The following AK5 variants were observed in gnomAD, a reference collection of about 807,000 sequenced individuals.
AK5 encodes the protein adenylate kinase 5.
AK5 carries 27 observed loss-of-function variants against 69.5 expected under a neutral mutation model. The ratio of observed to expected loss-of-function variants is 0.39; its 90% CI spans 0.29 to 0.54. The LOEUF is 0.54. AK5 is among the 20% of genes least tolerant of loss of function. AK5 has a pLI of 0.71. For missense variants in AK5, 531 were observed against 700.4 expected (o/e 0.76, Z 2.73); for synonymous variants, 260 against 244.4 (o/e 1.06, Z -0.60).
At chr1:77,309,351 A>G (rs752136602) in intron 5 of AK5, among the ~76,000 whole-genome samples, 16 of 152,158 alleles carry the variant, frequency 1.1e-4, no homozygotes, top group African/African-American at 1.4e-4. Context: ...ATATTCAACT[A>G]TCTGGTCCCA....
At chr1:77,298,359 C>T (rs2815313) in intron 5 of AK5, among the ~76,000 whole-genome samples, 134,534 of 152,000 alleles carry the variant, frequency 0.89, 59,885 homozygotes, top group Middle Eastern at 0.97. Context: ...GAACCACCTA[C>T]GTAGATTAAG....
chr1:77,543,880 T>C (rs1480888190), intron 13 of AK5, among the ~76,000 whole-genome samples: 1 of 152,180 alleles, frequency 6.6e-6, no homozygotes, highest in African/African-American at 2.4e-5. Flanking sequence ...TGCAGAACTT[T>C]GGATACAGAG....
In AK5 at chr1:77,294,026, A is replaced by T. The variant is rs575156354; in HGVS notation, c.415+66A>T. The T allele has an allele frequency of 2.0e-6, 3 of 1,471,956 alleles. No individual in the cohort carries two copies. The South Asian group carries it at 3.9e-5, about 19-fold the overall frequency. The allele number at this position is 1,471,956 out of a possible 1,614,324, so 91.2% of individuals were successfully genotyped here. On this transcript the variant is annotated intron_variant, in intron 3 of 13. Transcript: ENST00000354567. ...CTTTGTTTATATATTTACATTTCAA[A>T]AAAGTAAATCATATATGTGCAAATA...
rs574058200 is a variant in AK5, at chr1:77,518,372, T to A, written c.1148-192T>A. Among the ~76,000 whole-genome samples, 3 of 152,334 alleles carry A rather than the reference T, an allele frequency of 2.0e-5. No individual in the cohort carries two copies. The South Asian group carries it at 6.2e-4, about 32-fold the overall frequency. On this transcript the variant is annotated intron_variant, in intron 10 of 13. Coordinates refer to ENST00000354567, the MANE Select transcript of AK5 (RefSeq NM_174858.3). Reference sequence around the variant, plus strand: ...CCGCTTCATGGATAATCTAAGCTCTTTAAAGGCAAGGGCTGCATCCCATTC... The same window carrying A: ...CCGCTTCATGGATAATCTAAGCTCTATAAAGGCAAGGGCTGCATCCCATTC...
intron 13 of AK5, among the ~76,000 whole-genome samples, chr1:77,549,593 C>T (rs1659718065): frequency 6.6e-6 from 1 of 152,080 alleles, no homozygotes; most frequent in Non-Finnish European, 1.5e-5. Flanking sequence ...ATTCCCACTT[C>T]CCCCTCTCCC....
chr1:77,414,132 T>C (rs1570529200), intron 7 of AK5, among the ~76,000 whole-genome samples: 2 of 152,206 alleles, frequency 1.3e-5, no homozygotes, highest in East Asian at 3.8e-4. Flanking sequence ...TCATTTTTAG[T>C]CATTTGGTAC....
chr1:77,398,110 C>A (rs1228547291), intron 6 of AK5, among the ~76,000 whole-genome samples: 1 of 151,322 alleles, frequency 6.6e-6, no homozygotes, highest in Admixed American at 6.6e-5. Context: ...TGGTAGTTAA[C>A]GTCAAAATTG....
chr1:77,421,014 A>G (rs540755608), intron 8 of AK5, among the ~76,000 whole-genome samples: 6 of 152,236 alleles, frequency 3.9e-5, no homozygotes, highest in Non-Finnish European at 7.3e-5. Context: ...CAAATTCCAT[A>G]TAATTTTCAT....
chr1:77,356,972 A>T (rs1466484191), intron 6 of AK5, among the ~76,000 whole-genome samples: 1 of 152,166 alleles, frequency 6.6e-6, no homozygotes, highest in African/African-American at 2.4e-5. Context: ...AAGCTATTTG[A>T]TAAGCTCTTG....
At chr1:77,290,571 A>T (rs868302649) in intron 2 of AK5, among the ~76,000 whole-genome samples, 1 of 152,216 alleles carries the variant, frequency 6.6e-6, no homozygotes, top group African/African-American at 2.4e-5. Flanking sequence ...TGCCACATGC[A>T]TACAATTGAA....
chr1:77,293,884 T>A lies in AK5; in HGVS notation c.339T>A (p.Ser113=). The change falls in exon 3 of 14, where the codon TCT becomes TCA. Residue 113 remains serine (S), a synonymous_variant. Coordinates refer to ENST00000354567, the MANE Select transcript of AK5 (RefSeq NM_174858.3). ...CCATAGAAAGTGACACGGATCTCTC[T>A]GAGACTGCAGAGTTGATTGAGGAGT... ...QFSIESDTDL[S]ETAELIEEYE... 6.2e-7 allele frequency: 1 copy of A among 1,613,702 alleles called. No homozygotes were observed. The highest frequency in any genetic ancestry group is 8.5e-7 in the Non-Finnish European group (1 of 1,179,840).
chr1:77,540,810 GA>G (rs36066707), intron 13 of AK5: 1 of 152,138 alleles, frequency 6.6e-6, no homozygotes, highest in Non-Finnish European at 1.5e-5. Context: ...ATAAAATATA[GA>G]AAACTGGTCA....
chr1:77,343,809 T>G (rs767621029), intron 6 of AK5, among the ~76,000 whole-genome samples: 4 of 152,210 alleles, frequency 2.6e-5, no homozygotes, highest in Non-Finnish European at 5.9e-5. Context: ...CTTTCTTCCT[T>G]CCCCAGCAAA....
chr1:77,340,427 CAAAG>C lies in AK5; in HGVS notation c.756_759del (p.Glu252AspfsTer3). On this transcript the variant is annotated frameshift_variant, in exon 6 of 14. Transcript: ENST00000354567. LOFTEE classifies it high-confidence loss of function. ...TCCTGGCTTGTGCTAATCAGAGACT[CAAAG>C]AAAGATTACTGAAGCGTGCAGAACA... is the stretch of plus-strand genomic sequence containing the variant. 6.2e-7 allele frequency: 1 copy of C among 1,614,034 alleles called. No individual in the cohort carries two copies. The highest frequency in any genetic ancestry group is 1.1e-5 in the South Asian group (1 of 91,072).
chr1:77,429,693 T>A (rs983527950), intron 8 of AK5, among the ~76,000 whole-genome samples: 2 of 152,128 alleles, frequency 1.3e-5, no homozygotes, highest in Admixed American at 1.3e-4. Flanking sequence ...TCTCCTGACC[T>A]CGTGATCCGC....
rs1659088681 is a variant in AK5, at chr1:77,297,620, A to G, written c.477A>G (p.Gln159=). ...AAATTGCAGAACGATATGGATTCCAATACATTTCTGTGGGAGAATTATTAA... is the reference window on the plus strand; with the variant it reads ...AAATTGCAGAACGATATGGATTCCAGTACATTTCTGTGGGAGAATTATTAA... ...SLKIAERYGF[Q]YISVGELLRK... Residue 159 remains glutamine, a synonymous_variant, in exon 4 of 14, where the codon CAA becomes CAG. Transcript: ENST00000354567. 1 of 1,613,976 alleles carries G rather than the reference A, an allele frequency of 6.2e-7. No individual in the cohort carries two copies. The highest frequency in any genetic ancestry group is 8.5e-7 in the Non-Finnish European group (1 of 1,179,930).
intron 8 of AK5, among the ~76,000 whole-genome samples, chr1:77,475,462 ATAT>A (rs1654859378): frequency 4.7e-4 from 2 of 4,220 alleles, no homozygotes; most frequent in Admixed American, 5.7e-3. Context: ...ATACAAATAT[ATAT>A]TATATATGTA....
chr1:77,338,118 T>C (rs2815329), intron 5 of AK5, among the ~76,000 whole-genome samples: 148,017 of 152,198 alleles, frequency 0.97, 72,129 homozygotes, highest in East Asian at 1. Flanking sequence ...GCACACGCCA[T>C]CGCACCCGGC....
chr1:77,398,960 C>T (rs1342849549), intron 6 of AK5, among the ~76,000 whole-genome samples: 1 of 152,050 alleles, frequency 6.6e-6, no homozygotes, highest in Non-Finnish European at 1.5e-5. Flanking sequence ...ATTAATCACC[C>T]TATTTTCTGG....
Sources: gnomAD v4.1 joint callset for allele counts (sites outside exome capture counted in the v4.1 genomes callset) on GRCh38, gnomAD v4.1.1 for gene constraint, MANE v1.5 for transcripts, NCBI Gene and HGNC (gene_info 2026-07-23, HGNC 2026-07-21) for gene names.